Variants in ATAD1 observed in about 807,000 individuals in gnomAD.
ATAD1 encodes ATPase family AAA domain containing 1.
ATAD1 carries 18 observed loss-of-function variants against 42.7 expected under a neutral mutation model. The observed-to-expected ratio is 0.42, with a 90% CI of 0.29 to 0.63. The LOEUF is 0.63. Among genes scored for constraint, ATAD1 ranks in the 20% least tolerant of loss-of-function variants. The pLI is 0.19. For missense variants in ATAD1, 294 were observed against 440.4 expected, an observed-to-expected ratio of 0.67 and a Z score of 2.98; for synonymous variants, 132 against 143.1, an observed-to-expected ratio of 0.92 and a Z score of 0.55.
At chr10:87,767,547 T>A in intron 8 of ATAD1, 126 bp downstream of exon 8, 3 of 895,100 alleles carry the variant, frequency 3.4e-6, no homozygotes, top group Non-Finnish European at 5.4e-6. Flanking sequence ...AGTACCAGTC[T>A]GTGGCTGCAG....
chr10:87,818,920 A>G (rs1246691164), upstream of ATAD1: 1 of 152,314 alleles, frequency 6.6e-6, no homozygotes, highest in Non-Finnish European at 1.5e-5. Flanking sequence ...ACGTGACACA[A>G]GAGGTCCCAA....
chr10:87,804,262 G>A (rs1856827898), intron 2 of ATAD1, among the ~76,000 whole-genome samples: 1 of 152,216 alleles, frequency 6.6e-6, no homozygotes, highest in Non-Finnish European at 1.5e-5. Context: ...AAGACGTTAA[G>A]TTAAATAATT....
chr10:87,795,590 TA>T (rs1218032725), intron 2 of ATAD1, among the ~76,000 whole-genome samples: 2 of 152,010 alleles, frequency 1.3e-5, no homozygotes, highest in Non-Finnish European at 1.5e-5. Context: ...TGTATACCCA[TA>T]TTTTTTTGAC....
intron 1 of ATAD1, among the ~76,000 whole-genome samples, chr10:87,837,321 G>A (rs1424913774): frequency 6.6e-6 from 1 of 152,184 alleles, no homozygotes; most frequent in Non-Finnish European, 1.5e-5. Flanking sequence ...TTTGGTTCAA[G>A]TCAAAAGTTC....
At chr10:87,830,244 A>G (rs1250172825) in intron 1 of ATAD1, among the ~76,000 whole-genome samples, 1 of 152,232 alleles carries the variant, frequency 6.6e-6, no homozygotes, top group Non-Finnish European at 1.5e-5. Context: ...TGGTTAATAT[A>G]AATACATCCT....
chr10:87,822,613 A>G (rs1825030686), upstream of ATAD1, among the ~76,000 whole-genome samples: 1 of 152,186 alleles, frequency 6.6e-6, no homozygotes, highest in African/African-American at 2.4e-5. Flanking sequence ...AGAGGGTAGA[A>G]TGATGGTTAT....
intron 2 of ATAD1, among the ~76,000 whole-genome samples, chr10:87,797,560 A>C (rs181804757): frequency 6.6e-6 from 1 of 152,300 alleles, no homozygotes; most frequent in Non-Finnish European, 1.5e-5. Flanking sequence ...GTGGAGTTTC[A>C]AGAGTCATGG....
intron 8 of ATAD1, among the ~76,000 whole-genome samples, chr10:87,767,032 G>C (rs1234521691): frequency 6.6e-6 from 1 of 152,004 alleles, no homozygotes; most frequent in Admixed American, 6.6e-5. Flanking sequence ...TTAAAAAAAT[G>C]CAATTAAGTA....
rs756218710 is a variant in ATAD1 at position 87,756,902 on chromosome 10, C to T, written c.852G>A (p.Leu284=). The T allele has an allele frequency of 6.2e-7, 1 of 1,610,616 alleles. No individual in the cohort carries two copies. Among genetic ancestry groups the T allele is most frequent in the Non-Finnish European group, 8.5e-7 (1 of 1,178,694 alleles). Residue 284 remains leucine, a synonymous_variant, in exon 9 of 10, where the codon CTG becomes CTA. Transcript: ENST00000680024. The part of the protein sequence containing the change: ...KNENVDRHVD[L]LEVAQETDGF... ...CATCAGTTTCCTGGGCAACTTCTAGCAGGTCTACATGCCTATCCACCTTAA... is the reference window on the plus strand; with the variant it reads ...CATCAGTTTCCTGGGCAACTTCTAGTAGGTCTACATGCCTATCCACCTTAA...
At chr10:87,759,919 T>C (rs1263928039) in intron 8 of ATAD1, 2 of 227,754 alleles carry the variant, frequency 8.8e-6, no homozygotes, top group African/African-American at 4.6e-5. Context: ...TAATAGCTTT[T>C]AGATAAACCA....
intron 2 of ATAD1, among the ~76,000 whole-genome samples, chr10:87,811,772 C>G (rs1427211503): frequency 6.6e-6 from 1 of 152,152 alleles, no homozygotes; most frequent in East Asian, 1.9e-4. Context: ...AAATATACCT[C>G]TGGATTGACC....
intron 4 of ATAD1, among the ~76,000 whole-genome samples, chr10:87,786,100 T>C (rs144604747): frequency 0.014 from 2,092 of 152,344 alleles, 24 homozygotes; most frequent in Middle Eastern, 0.037. Context: ...CAATAAAGAA[T>C]AGTAATCTAA....
chr10:87,824,432 C>G (rs368402915), intron 1 of ATAD1, among the ~76,000 whole-genome samples: 1 of 152,138 alleles, frequency 6.6e-6, no homozygotes, highest in South Asian at 2.1e-4. Context: ...TATACTGACT[C>G]TGTTAATTTG....
At chr10:87,761,975 C>A (rs1055227992) in intron 8 of ATAD1, among the ~76,000 whole-genome samples, 2 of 151,986 alleles carry the variant, frequency 1.3e-5, no homozygotes, top group African/African-American at 4.8e-5. Flanking sequence ...AAACTCCTGG[C>A]CTCAAGTGAT....
intron 5 of ATAD1, among the ~76,000 whole-genome samples, chr10:87,779,198 T>A (rs1361924284): frequency 1.3e-5 from 2 of 152,162 alleles, no homozygotes; most frequent in Non-Finnish European, 2.9e-5. Context: ...CTTGGGAGGC[T>A]GAGGCAGGAG....
chr10:87,810,426 G>C (rs755529435), intron 2 of ATAD1, among the ~76,000 whole-genome samples: 9 of 151,914 alleles, frequency 5.9e-5, no homozygotes, highest in Middle Eastern at 3.4e-3. Flanking sequence ...TAAAAAATCT[G>C]AACAATTATT....
chr10:87,818,453 A>G, upstream of ATAD1: 1 of 180,124 alleles, frequency 5.6e-6, no homozygotes, highest in Non-Finnish European at 1.1e-5. Flanking sequence ...CGTTTAACAG[A>G]CACTACCTTT....
chr10:87,818,005 A>G (rs1424743231), intron 1 of ATAD1, 162 bp downstream of exon 1: 1 of 985,580 alleles, frequency 1.0e-6, no homozygotes, highest in East Asian at 1.1e-4. Flanking sequence ...TCCTCTAGAT[A>G]CTAAGGGCTG....
chr10:87,824,513 C>T (rs1857690105), intron 1 of ATAD1, among the ~76,000 whole-genome samples: 1 of 152,158 alleles, frequency 6.6e-6, no homozygotes, highest in Admixed American at 6.5e-5. Context: ...GTACACATGC[C>T]ATGGACTTGC....
Sources: allele counts gnomAD v4.1 joint callset (sites outside exome capture counted in the v4.1 genomes callset), GRCh38; gene constraint gnomAD v4.1.1; transcripts MANE v1.5; gene names NCBI Gene and HGNC (gene_info 2026-07-23, HGNC 2026-07-21).